FOXN3: variants seen among roughly 807,000 people sequenced by gnomAD.
FOXN3 encodes the protein forkhead box protein N3.
FOXN3 carries 7 observed loss-of-function variants against 38.4 expected under a neutral mutation model. That is an observed-to-expected ratio of 0.18 (90% CI 0.10 to 0.34). The LOEUF (loss-of-function observed/expected upper bound fraction) is 0.34, where lower values mean the gene tolerates loss of function less well. FOXN3 is among the 10% of genes least tolerant of loss of function. The probability of loss-of-function intolerance (pLI) is 1.00; values close to 1 mark genes in which losing one functional copy is unlikely to be tolerated. For missense variants in FOXN3, 456 were observed against 613.4 expected (o/e 0.74, Z 2.71); for synonymous variants, 230 against 242.2 (o/e 0.95, Z 0.47).
At chr14:89,458,017 C>T (rs900688343) in intron 1 of FOXN3, among the ~76,000 whole-genome samples, 1 of 117,132 alleles carries the variant, frequency 8.5e-6, no homozygotes, top group Non-Finnish European at 1.6e-5. Context: ...GCGATAAGAG[C>T]GAAACTCCAT....
At chr14:89,400,151 T>C (rs376055537) in intron 2 of FOXN3, 10 of 152,202 alleles carry the variant, frequency 6.6e-5, no homozygotes, top group African/African-American at 2.2e-4. Context: ...AGGTAAGTTA[T>C]TGCTGAAATA....
chr14:89,375,580 C>T (rs1485179712), intron 2 of FOXN3, among the ~76,000 whole-genome samples: 1 of 151,932 alleles, frequency 6.6e-6, no homozygotes, highest in African/African-American at 2.4e-5. Context: ...TAGAATAAAG[C>T]AAATAAATGT....
At chr14:89,197,741 G>A (rs1202603895) in intron 4 of FOXN3, among the ~76,000 whole-genome samples, 3 of 152,120 alleles carry the variant, frequency 2.0e-5, no homozygotes, top group Admixed American at 6.5e-5. Context: ...GAAATTCCAC[G>A]GGAACCCCAG....
chr14:89,452,634 C>T (rs1892635653), intron 1 of FOXN3, among the ~76,000 whole-genome samples: 1 of 152,104 alleles, frequency 6.6e-6, no homozygotes, highest in African/African-American at 2.4e-5. Context: ...GTAAGATGGG[C>T]CTTGGGAGGA....
intron 1 of FOXN3, among the ~76,000 whole-genome samples, chr14:89,507,944 G>T (rs939172092): frequency 1.3e-5 from 2 of 152,158 alleles, no homozygotes; most frequent in African/African-American, 4.8e-5. Flanking sequence ...TGATGTTCAC[G>T]CATGGAAAGT....
At chr14:89,571,524 GA>G (rs1399482759) in intron 1 of FOXN3, among the ~76,000 whole-genome samples, 1 of 146,698 alleles carries the variant, frequency 6.8e-6, no homozygotes, top group East Asian at 2.0e-4. Context: ...AAAAAAAAAA[GA>G]AAAGTGACAG....
intron 2 of FOXN3, among the ~76,000 whole-genome samples, chr14:89,373,439 G>C (rs1190245475): frequency 6.7e-6 from 1 of 149,740 alleles, no homozygotes; most frequent in Middle Eastern, 3.4e-3. Context: ...TATTAAGAGA[G>C]GGAGCACGTA....
At chr14:89,485,908 C>T (rs974243304) in intron 1 of FOXN3, among the ~76,000 whole-genome samples, 1 of 152,162 alleles carries the variant, frequency 6.6e-6, no homozygotes, top group Non-Finnish European at 1.5e-5. Flanking sequence ...AAATGATCCA[C>T]AGTGACAAAG....
intron 4 of FOXN3, among the ~76,000 whole-genome samples, chr14:89,188,754 A>G (rs1265842169): frequency 1.3e-5 from 2 of 152,280 alleles, no homozygotes; most frequent in African/African-American, 4.8e-5. Context: ...TGAGTTATGC[A>G]ACTTAATTTT....
chr14:89,404,728 G>A (rs751087781), intron 2 of FOXN3, among the ~76,000 whole-genome samples: 5 of 151,958 alleles, frequency 3.3e-5, no homozygotes, highest in East Asian at 3.9e-4. Flanking sequence ...AGTAGGCACC[G>A]GTGAGAAGGA....
At chr14:89,443,533 A>G (rs1892430018) in intron 1 of FOXN3, among the ~76,000 whole-genome samples, 3 of 152,232 alleles carry the variant, frequency 2.0e-5, no homozygotes, top group Admixed American at 1.3e-4. Flanking sequence ...CCTGGGAGGA[A>G]GGGCAGAACT....
chr14:89,323,302 AAAGAAAGAAAG>A (rs1331592172), intron 3 of FOXN3, among the ~76,000 whole-genome samples: 3 of 104,722 alleles, frequency 2.9e-5, no homozygotes, highest in African/African-American at 7.1e-5. Flanking sequence ...AAAAAAAAAA[AAAGAAAGAAAG>A]AAAGAAAGAA....
intron 3 of FOXN3, among the ~76,000 whole-genome samples, chr14:89,311,095 A>C (rs1295906475): frequency 7.1e-6 from 1 of 140,050 alleles, no homozygotes; most frequent in Non-Finnish European, 1.5e-5. Context: ...AACAATCGCG[A>C]AACTCCGTCT....
At chr14:89,535,272 G>A (rs900089762) in intron 1 of FOXN3, among the ~76,000 whole-genome samples, 1 of 150,374 alleles carries the variant, frequency 6.7e-6, no homozygotes, top group African/African-American at 2.4e-5. Context: ...TCAAGAAACA[G>A]TCCATATAAG....
intron 1 of FOXN3, among the ~76,000 whole-genome samples, chr14:89,482,658 C>T (rs1893357984): frequency 6.6e-6 from 1 of 151,774 alleles, no homozygotes; most frequent in South Asian, 2.1e-4. Flanking sequence ...CCTATAATCC[C>T]AGCACTTTGG....
At chr14:89,427,630 CTG>C (rs1165016850) in intron 1 of FOXN3, among the ~76,000 whole-genome samples, 2 of 151,816 alleles carry the variant, frequency 1.3e-5, no homozygotes, top group Non-Finnish European at 2.9e-5. Flanking sequence ...GACTTTTTAA[CTG>C]AATGAAAAGG....
intron 4 of FOXN3, among the ~76,000 whole-genome samples, chr14:89,269,585 C>T (rs1005839452): frequency 6.6e-6 from 1 of 151,756 alleles, no homozygotes; most frequent in African/African-American, 2.4e-5. Flanking sequence ...TAGGTCACCA[C>T]GGTAATGGTC....
chr14:89,310,675 C>A (rs1348694535), intron 3 of FOXN3, among the ~76,000 whole-genome samples: 1 of 152,132 alleles, frequency 6.6e-6, no homozygotes, highest in East Asian at 1.9e-4. Context: ...AAAGTACCTG[C>A]TAGCATTTGG....
intron 2 of FOXN3, among the ~76,000 whole-genome samples, chr14:89,386,475 C>G (rs1890793197): frequency 6.6e-6 from 1 of 152,218 alleles, no homozygotes; most frequent in African/African-American, 2.4e-5. Context: ...AATCCTGGCA[C>G]TACTAGGCTA....
Sources: gnomAD v4.1 joint callset for allele counts (sites outside exome capture counted in the v4.1 genomes callset) on GRCh38, gnomAD v4.1.1 for gene constraint, MANE v1.5 for transcripts, NCBI Gene and HGNC (gene_info 2026-07-23, HGNC 2026-07-21) for gene names.